The following VRTN variants were observed in gnomAD, a reference collection of about 807,000 sequenced individuals.
The protein encoded by VRTN is vertebrae development associated.
Under a neutral mutation model 18.2 loss-of-function variants are expected in VRTN, and 5 were observed. The observed-to-expected ratio is 0.27, with a 90% CI of 0.14 to 0.58. The LOEUF (loss-of-function observed/expected upper bound fraction) is 0.58, where lower values mean the gene tolerates loss of function less well. Among genes scored for constraint, VRTN ranks in the 20% least tolerant of loss-of-function variants. VRTN has a pLI of 0.91. For missense variants in VRTN, 741 were observed against 939.4 expected, an observed-to-expected ratio of 0.79 and a Z score of 2.76; for synonymous variants, 381 against 393.7, an observed-to-expected ratio of 0.97 and a Z score of 0.38.
chr14:74,339,243 T>C (rs181626430), intron 2 of VRTN, among the ~76,000 whole-genome samples: 22 of 152,260 alleles, frequency 1.4e-4, no homozygotes, highest in African/African-American at 4.8e-4. Context: ...ATCATTTCAT[T>C]GGCCCTGTAA....
intron 1 of VRTN, among the ~76,000 whole-genome samples, chr14:74,333,495 A>G (rs1280322248): frequency 6.6e-6 from 1 of 151,640 alleles, no homozygotes; most frequent in African/African-American, 2.4e-5. Flanking sequence ...CTCAAAAAGG[A>G]AAAAAGAAAA....
In VRTN at chr14:74,357,544, T is replaced by A. The variant is rs1300424292; in HGVS notation, c.761T>A (p.Val254Glu). The A allele has an allele frequency of 6.2e-7, 1 of 1,613,680 alleles. No individual in the cohort carries two copies. The highest frequency in any genetic ancestry group is 8.5e-7 in the Non-Finnish European group (1 of 1,180,014). ...EEVEAEGAPG[V>E]APALPALAPL... ...GTGGAGGCTGAAGGTGCCCCTGGCGTGGCCCCAGCTCTTCCAGCCCTGGCC... is the reference window on the plus strand; with the variant it reads ...GTGGAGGCTGAAGGTGCCCCTGGCGAGGCCCCAGCTCTTCCAGCCCTGGCC... The change falls in exon 2 of 2, where the codon GTG (valine) becomes GAG (glutamate). Residue 254 changes from valine to glutamate, a missense_variant. Val to Glu is a moderately radical substitution (Grantham distance 121). Around this residue, in one of 3 missense-constraint regions of VRTN, gnomAD observed 494 missense variants for 546.5 expected, o/e 0.90. Transcript: ENST00000256362. This position sits in a 1 kb window ranked among gnomAD's most constrained non-coding sequence, Gnocchi z 7.8.
At chr14:74,310,607 G>C (rs1172118566) in intron 1 of VRTN, among the ~76,000 whole-genome samples, 1 of 144,262 alleles carries the variant, frequency 6.9e-6, no homozygotes, top group African/African-American at 2.6e-5. Context: ...GCACAATCCC[G>C]GCTCACTGCA....
At chr14:74,319,196 G>A (rs772872165) in intron 1 of VRTN, among the ~76,000 whole-genome samples, 2 of 151,860 alleles carry the variant, frequency 1.3e-5, no homozygotes, top group Non-Finnish European at 2.9e-5. Context: ...CTACTGCCTG[G>A]CTAATTTTTG....
intron 1 of VRTN, among the ~76,000 whole-genome samples, chr14:74,324,906 C>T (rs987235062): frequency 6.6e-6 from 1 of 151,270 alleles, no homozygotes; most frequent in African/African-American, 2.4e-5. Flanking sequence ...ATAATAAATA[C>T]AATAAATAAA....
upstream of VRTN, among the ~76,000 whole-genome samples, chr14:74,344,733 T>TAAAAAAAAAAAAAAAA (rs60479764): frequency 4.8e-3 from 258 of 53,970 alleles, 14 homozygotes; most frequent in African/African-American, 0.028. Flanking sequence ...AGACTCTGAC[T>TAAAAAAAAAAAAAAAA]AAAAAAAAAA....
chr14:74,323,293 G>T (rs1278934662), intron 1 of VRTN, among the ~76,000 whole-genome samples: 1 of 151,812 alleles, frequency 6.6e-6, no homozygotes, highest in Non-Finnish European at 1.5e-5. Flanking sequence ...GTTAAAAAGT[G>T]CAGGTTCTGG....
rs2085739192 is a variant in VRTN, at chr14:74,357,555, C to T, written c.772C>T (p.Leu258Phe). 6.2e-7 allele frequency: 1 copy of T among 1,613,868 alleles called. No individual in the cohort carries two copies. The highest frequency in any genetic ancestry group is 1.3e-5 in the African/African-American group (1 of 75,052). The change falls in exon 2 of 2, where the codon CTT becomes TTT. Residue 258 changes from leucine (L) to phenylalanine (F), a missense_variant. Transcript: ENST00000256362. This position sits in a 1 kb window ranked among gnomAD's most constrained non-coding sequence, Gnocchi z 7.8. ...AEGAPGVAPALPALAPLSSPA... is the reference protein window; with the variant it reads ...AEGAPGVAPAFPALAPLSSPA... ...AGGTGCCCCTGGCGTGGCCCCAGCT[C>T]TTCCAGCCCTGGCCCCACTCTCATC...
At chr14:74,341,130 G>A (rs2085602885) in intron 2 of VRTN, among the ~76,000 whole-genome samples, 2 of 152,172 alleles carry the variant, frequency 1.3e-5, no homozygotes, top group Admixed American at 1.3e-4. Context: ...GTAGAAAGAA[G>A]GTGAGTAGGG....
chr14:74,318,870 A>G (rs75132504), intron 1 of VRTN, among the ~76,000 whole-genome samples: 2,227 of 151,514 alleles, frequency 0.015, 52 homozygotes, highest in African/African-American at 0.051. Context: ...ATGTGCCACC[A>G]TGCCCAGTTA....
intron 1 of VRTN, among the ~76,000 whole-genome samples, chr14:74,307,594 T>C (rs187653430): frequency 1.3e-5 from 2 of 152,286 alleles, no homozygotes; most frequent in African/African-American, 2.4e-5. Context: ...TAAAATGTGA[T>C]CTCAACTATG....
intron 1 of VRTN, among the ~76,000 whole-genome samples, chr14:74,335,474 T>A (rs1348477688): frequency 6.6e-6 from 1 of 152,176 alleles, no homozygotes; most frequent in African/African-American, 2.4e-5. Flanking sequence ...ATGACTAATA[T>A]TAATTGAGCA....
intron 1 of VRTN, among the ~76,000 whole-genome samples, chr14:74,314,338 A>G (rs2085406207): frequency 6.6e-6 from 1 of 150,514 alleles, no homozygotes; most frequent in South Asian, 2.1e-4. Context: ...GTGTAATTGT[A>G]TGTGACGTGG....
intron 1 of VRTN, among the ~76,000 whole-genome samples, chr14:74,304,770 C>T (rs1265827183): frequency 6.6e-6 from 1 of 152,104 alleles, no homozygotes; most frequent in East Asian, 1.9e-4. Flanking sequence ...TTTAACTCAG[C>T]ATGGGGAAAA....
intron 1 of VRTN, among the ~76,000 whole-genome samples, chr14:74,335,696 A>G (rs1014961875): frequency 6.6e-6 from 1 of 151,756 alleles, no homozygotes; most frequent in African/African-American, 2.4e-5. Context: ...GAAATTTTCA[A>G]TATAGGTGTC....
intron 1 of VRTN, among the ~76,000 whole-genome samples, chr14:74,303,468 T>C (rs944208845): frequency 6.6e-6 from 1 of 152,118 alleles, no homozygotes; most frequent in Non-Finnish European, 1.5e-5. Flanking sequence ...GGAGAATCAC[T>C]TGGGCCCGGA....
chr14:74,317,356 A>G (rs964554187), intron 1 of VRTN, among the ~76,000 whole-genome samples: 1 of 151,592 alleles, frequency 6.6e-6, no homozygotes, highest in African/African-American at 2.4e-5. Context: ...CTTCTCCCCA[A>G]CTCTCCCTAC....
At chr14:74,346,538 C>T (rs570961230), upstream of VRTN, among the ~76,000 whole-genome samples, 121 of 152,180 alleles carry the variant, frequency 8.0e-4, no homozygotes, top group Non-Finnish European at 1.4e-3. Context: ...CCCAGCCTTC[C>T]GAGTAGCTGG....
rs768393736 is a variant in VRTN at position 74,358,603 on chromosome 14, G to C, written c.1820G>C (p.Gly607Ala). ...GTAGAGGGAGGGCCTTCCAGAGAGG[G>C]GGCCCTGCAGGAGGGGGCCACAGCC... is the stretch of plus-strand genomic sequence containing the variant. ...EDVEGGPSRE[G>A]ALQEGATAQG... is the part of the protein sequence containing the mutation. The change falls in exon 2 of 2, where the codon GGG becomes GCG. Residue 607 changes from glycine (G) to alanine (A), a missense_variant. Around this residue, in one of 3 missense-constraint regions of VRTN, gnomAD observed 494 missense variants for 546.5 expected, o/e 0.90. Transcript: ENST00000256362. The surrounding 1 kb of genome is among the most constrained non-coding windows in gnomAD (Gnocchi z 5.4). 2 of 1,599,812 alleles carry C rather than the reference G, an allele frequency of 1.3e-6. No individual in the cohort carries two copies. Among genetic ancestry groups the C allele is most frequent in the Non-Finnish European group, 1.7e-6 (2 of 1,172,358 alleles).
Sources: gnomAD v4.1 joint callset for allele counts (sites outside exome capture counted in the v4.1 genomes callset) on GRCh38, gnomAD v4.1.1 for gene constraint, gnomAD v4.1.1 regional missense constraint, Gnocchi (gnomAD v3.1) non-coding constraint, MANE v1.5 for transcripts, NCBI Gene and HGNC (gene_info 2026-07-23, HGNC 2026-07-21) for gene names.